Variants in SLC24A2 observed in about 807,000 individuals in gnomAD.
SLC24A2 encodes solute carrier family 24 member 2.
In SLC24A2, 36 loss-of-function variants were observed where a neutral mutation model predicts 62.0. The observed-to-expected ratio is 0.58, with a 90% CI of 0.44 to 0.77. The LOEUF (loss-of-function observed/expected upper bound fraction) is 0.77, where lower values mean the gene tolerates loss of function less well. SLC24A2 is among the 30% of genes least tolerant of loss of function. SLC24A2 has a pLI of 0.00. For missense variants in SLC24A2, 846 were observed against 817.9 expected (o/e 1.03, Z -0.42); for synonymous variants, 358 against 294.0 (o/e 1.22, Z -2.23).
the SLC24A2 span, among the ~76,000 whole-genome samples, chr9:20,100,059 C>A: frequency 6.6e-6 from 1 of 151,942 alleles, no homozygotes; most frequent in Non-Finnish European, 1.5e-5. Flanking sequence ...CATTCTGTCA[C>A]CCAGGCTGGA....
chr9:20,087,443 A>T, the SLC24A2 span, among the ~76,000 whole-genome samples: 25 of 152,218 alleles, frequency 1.6e-4, no homozygotes, highest in Admixed American at 1.6e-3. Context: ...GCCTCATGTG[A>T]AATCTCAGCC....
rs149609484 is a variant in SLC24A2, at chr9:19,543,719, T to C, written c.1479+6418A>G. 9.2e-3 allele frequency among the ~76,000 whole-genome samples: 1,406 copies of C among 152,352 alleles called. 21 individuals are homozygous for C. Among genetic ancestry groups the C allele is most frequent in the African/African-American group, 0.032 (1,345 of 41,562 alleles). On this transcript the variant is annotated intron_variant, in intron 8 of 10. Coordinates refer to ENST00000341998, the MANE Select transcript of SLC24A2 (RefSeq NM_020344.4). ...AGTCATTCAGGAGCATGTTGTTCAA[T>C]TTCCATGTAGTTGTGCAGTTTTGAG...
the SLC24A2 span, among the ~76,000 whole-genome samples, chr9:20,065,711 A>T: frequency 5.3e-5 from 8 of 152,208 alleles, no homozygotes; most frequent in Non-Finnish European, 1.0e-4. Context: ...CCAGTGTTAC[A>T]CATTTGGTAA....
At chr9:19,957,782 A>G in the SLC24A2 span, 1 of 152,150 alleles carries the variant, frequency 6.6e-6, no homozygotes, top group African/African-American at 2.4e-5. Context: ...TGGAGTGGAC[A>G]GGGTCATTCA....
chr9:20,003,083 T>C, the SLC24A2 span, among the ~76,000 whole-genome samples: 1 of 152,226 alleles, frequency 6.6e-6, no homozygotes, highest in African/African-American at 2.4e-5. Context: ...ATTCATTTTG[T>C]TTGTTGAATT....
rs72702403 is a variant in SLC24A2 at position 19,599,682 on chromosome 9, G to A, written c.1079-2403C>T. Among the ~76,000 whole-genome samples the A allele has an allele frequency of 9.2e-5, 14 of 152,228 alleles. No individual in the cohort carries two copies. Among genetic ancestry groups the A allele is most frequent in the Middle Eastern group, 3.4e-3 (1 of 294 alleles). On this transcript the variant is annotated intron_variant, in intron 4 of 10. Coordinates refer to ENST00000341998, the MANE Select transcript of SLC24A2 (RefSeq NM_020344.4). The surrounding 1 kb of genome is among the most constrained non-coding windows in gnomAD (Gnocchi z 4.5). ...CCTCCCTGAAGCAGGGACTCAGGAGGTGCAGAAAGAGAAATGACATGCGAC... is the reference window on the plus strand; with the variant it reads ...CCTCCCTGAAGCAGGGACTCAGGAGATGCAGAAAGAGAAATGACATGCGAC...
chr9:19,674,477 T>A (rs1819507561), intron 2 of SLC24A2, among the ~76,000 whole-genome samples: 1 of 152,212 alleles, frequency 6.6e-6, no homozygotes, highest in Admixed American at 6.5e-5. Flanking sequence ...ACTTTTAGAT[T>A]TCTCTTCTCC....
intron 2 of SLC24A2, among the ~76,000 whole-genome samples, chr9:19,698,172 A>G (rs1820247225): frequency 6.6e-6 from 1 of 152,130 alleles, no homozygotes; most frequent in African/African-American, 2.4e-5. Flanking sequence ...CAAAATCCAA[A>G]ACGTTTTGAG....
At chr9:20,149,069 G>A in the SLC24A2 span, among the ~76,000 whole-genome samples, 1 of 152,030 alleles carries the variant, frequency 6.6e-6, no homozygotes, top group Non-Finnish European at 1.5e-5. Flanking sequence ...AGGAGGCAAT[G>A]AGGGCTTATA....
the SLC24A2 span, among the ~76,000 whole-genome samples, chr9:20,189,198 A>T: frequency 6.6e-6 from 1 of 151,746 alleles, no homozygotes; most frequent in African/African-American, 2.4e-5. Context: ...CAAAAGATCC[A>T]GTGTTTTTAA....
the SLC24A2 span, among the ~76,000 whole-genome samples, chr9:20,087,763 T>C: frequency 3.9e-5 from 6 of 152,088 alleles, no homozygotes; most frequent in East Asian, 1.2e-3. Context: ...AGTGAGTAAG[T>C]ACAACACCTT....
At chr9:19,672,006 G>C (rs894750685) in intron 2 of SLC24A2, among the ~76,000 whole-genome samples, 6 of 145,926 alleles carry the variant, frequency 4.1e-5, no homozygotes, top group Non-Finnish European at 7.4e-5. Flanking sequence ...ATATTGGTCT[G>C]TAATTTTCTT....
chr9:20,246,005 G>A, the SLC24A2 span, among the ~76,000 whole-genome samples: 2 of 152,038 alleles, frequency 1.3e-5, no homozygotes, highest in South Asian at 4.1e-4. Context: ...GCTGTCCAAC[G>A]TCCCCAAAAC....
At chr9:20,282,441 A>C in the SLC24A2 span, among the ~76,000 whole-genome samples, 1 of 152,322 alleles carries the variant, frequency 6.6e-6, no homozygotes, top group East Asian at 1.9e-4. Context: ...ACAATTATCT[A>C]TCATGACAAA....
chr9:19,571,776 C>T (rs76255403), intron 7 of SLC24A2, among the ~76,000 whole-genome samples: 5,205 of 152,228 alleles, frequency 0.034, 339 homozygotes, highest in East Asian at 0.3. Flanking sequence ...TTCTGATTCG[C>T]CTGATCAGGA....
At chr9:20,272,620 C>G in the SLC24A2 span, among the ~76,000 whole-genome samples, 1 of 152,334 alleles carries the variant, frequency 6.6e-6, no homozygotes, top group Admixed American at 6.5e-5. Flanking sequence ...GTATAACTCT[C>G]ATATAAACAT....
intron 7 of SLC24A2, among the ~76,000 whole-genome samples, chr9:19,566,861 C>G (rs112157858): frequency 1.7e-4 from 25 of 147,176 alleles, no homozygotes; most frequent in African/African-American, 6.0e-4. Context: ...ATCGCAAGAA[C>G]AAAAAACCAA....
chr9:19,758,119 TAA>T (rs543280379), intron 2 of SLC24A2, among the ~76,000 whole-genome samples: 52 of 152,280 alleles, frequency 3.4e-4, no homozygotes, highest in African/African-American at 1.2e-3. Context: ...CAAAACAGAC[TAA>T]GATACATACC....
At chr9:19,839,518 T>G in the SLC24A2 span, among the ~76,000 whole-genome samples, 2 of 152,188 alleles carry the variant, frequency 1.3e-5, no homozygotes, top group African/African-American at 4.8e-5. Flanking sequence ...CCTGACACAT[T>G]CTTTTGTGTA....
Sources: gnomAD v4.1 joint callset for allele counts (sites outside exome capture counted in the v4.1 genomes callset) on GRCh38, gnomAD v4.1.1 for gene constraint, Gnocchi (gnomAD v3.1) non-coding constraint, MANE v1.5 for transcripts, NCBI Gene and HGNC (gene_info 2026-07-23, HGNC 2026-07-21) for gene names.